The following MYO7B variants were observed in gnomAD, a reference collection of about 807,000 sequenced individuals.
MYO7B encodes unconventional myosin-VIIb.
A neutral mutation model predicts 259.7 loss-of-function variants in MYO7B; 212 were observed. The observed-to-expected ratio is 0.82, with a 90% CI of 0.73 to 0.91. The LOEUF is 0.91. Ranked by LOEUF, MYO7B falls within the 40% of genes least tolerant of loss-of-function variation. The pLI is 0.00. For synonymous variants in MYO7B, 1,197 were observed against 1,166.4 expected (o/e 1.03, Z -0.54); for missense variants, 2,732 against 2,813.5 (o/e 0.97, Z 0.66).
chr2:127,624,417 T>A, intron 30 of MYO7B, 97 bp downstream of exon 30: 30 of 1,032,688 alleles, frequency 2.9e-5, no homozygotes, highest in Non-Finnish European at 3.6e-5. Flanking sequence ...AGGTAGAAGG[T>A]GGGGGGGCAG....
chr2:127,608,081 G>A (rs557971109), intron 21 of MYO7B, among the ~76,000 whole-genome samples: 29 of 152,260 alleles, frequency 1.9e-4, no homozygotes, highest in South Asian at 1.5e-3. Flanking sequence ...TTCCTCCATC[G>A]AGTACTCGAG....
chr2:127,637,432 G>A lies in MYO7B; in HGVS notation c.*15G>A, dbSNP rs200585496. ...CCAGCACCTAGCAGCGGATGCTGGC[G>A]TGTCTGCTCAGGCGCCCTTCCCGAC... On this transcript the variant is annotated 3_prime_UTR_variant, in exon 48 of 48. Coordinates refer to ENST00000409816, the MANE Select transcript of MYO7B (RefSeq NM_001393586.1). The A allele has an allele frequency of 3.9e-5, 58 of 1,491,016 alleles. No homozygotes were observed. The highest frequency in any genetic ancestry group is 3.5e-4 in the African/African-American group (25 of 71,364). The allele number at this position is 1,491,016 out of a possible 1,614,324, so 92.4% of individuals were successfully genotyped here.
chr2:127,631,152 C>A, intron 36 of MYO7B, 54 bp from the exon 37 acceptor site: 3 of 1,514,910 alleles, frequency 2.0e-6, no homozygotes, highest in Non-Finnish European at 2.7e-6. Context: ...GACAGAGAAG[C>A]GTGGGACAGA....
At position 127,608,823 on chromosome 2, in the gene MYO7B, G is replaced by A; in HGVS notation, c.2759G>A (p.Gly920Asp). The A allele has an allele frequency of 6.2e-7, 1 of 1,613,360 alleles. No homozygotes were observed. The highest frequency in any genetic ancestry group is 8.5e-7 in the Non-Finnish European group (1 of 1,179,830). Residue 920 changes from glycine to aspartate, a missense_variant, in exon 22 of 48, where the codon GGC (glycine) becomes GAC (aspartate). Physicochemically the swap from Gly to Asp is moderately conservative, Grantham distance 94. This residue lies in a region of MYO7B where 1,906 missense variants were observed against 2,026.4 expected (regional missense o/e 0.94). Coordinates refer to ENST00000409816, the MANE Select transcript of MYO7B (RefSeq NM_001393586.1). ...ACGGAGATGGTGGAGAAGGTGTTCG[G>A]CTTCCTCCCTGCCATGATTGGGGGC... The part of the protein sequence containing the change: ...TDTEMVEKVF[G>D]FLPAMIGGQE...
rs761717492 is a variant in MYO7B, at chr2:127,627,420, C to T, written c.4460+110C>T. 40 of 1,451,182 alleles carry T rather than the reference C, an allele frequency of 2.8e-5. No individual in the cohort carries two copies. In the African/African-American group the frequency reaches 2.8e-4, roughly 10 times the overall value. The allele number at this position is 1,451,182 out of a possible 1,614,324, so 89.9% of individuals were successfully genotyped here. ...CAGTGTGCCGTCCCGGGTAACAGGCCGGGGTGGAGGGACAAGAATCTACGT... is the reference window on the plus strand; with the variant it reads ...CAGTGTGCCGTCCCGGGTAACAGGCTGGGGTGGAGGGACAAGAATCTACGT... On this transcript the variant is annotated intron_variant, in intron 33 of 47. Coordinates refer to ENST00000409816, the MANE Select transcript of MYO7B (RefSeq NM_001393586.1). The surrounding 1 kb of genome is among the most constrained non-coding windows in gnomAD (Gnocchi z 5.6).
At chr2:127,623,950 G>T (rs576536661) in intron 29 of MYO7B, 143 bp from the exon 30 acceptor site, 67 of 691,220 alleles carry the variant, frequency 9.7e-5, no homozygotes, top group Non-Finnish European at 1.5e-4. Flanking sequence ...GTGTCCACAC[G>T]GGCTCAGCAG....
At chr2:127,568,726 G>A (rs949985484) in intron 5 of MYO7B, among the ~76,000 whole-genome samples, 13 of 151,188 alleles carry the variant, frequency 8.6e-5, no homozygotes, top group African/African-American at 1.5e-4. Context: ...GTGAAACCCC[G>A]TCTCTACTAA....
chr2:127,578,193 G>T lies in MYO7B; in HGVS notation c.910G>T (p.Ala304Ser). 1 of 1,613,846 alleles carries T rather than the reference G, an allele frequency of 6.2e-7. No individual in the cohort carries two copies. Among genetic ancestry groups the T allele is most frequent in the South Asian group, 1.1e-5 (1 of 91,056 alleles). ...CAAGGACTACGCCCACATCCGCTCG[G>T]CCATGAAGATCCTCCAGTTCTCCGA... ...DAKDYAHIRS[A>S]MKILQFSDSE... is the part of the protein sequence containing the mutation. The change falls in exon 9 of 48, where the codon GCC becomes TCC. Residue 304 changes from alanine (A) to serine (S), a missense_variant. Ala to Ser is a moderately conservative substitution (Grantham distance 99). This residue lies in a region of MYO7B where 1,906 missense variants were observed against 2,026.4 expected (regional missense o/e 0.94). Transcript: ENST00000409816.
chr2:127,624,252 G>C lies in MYO7B; in HGVS notation c.3979G>C (p.Val1327Leu). 6.3e-7 allele frequency: 1 copy of C among 1,596,228 alleles called. No homozygotes were observed. The highest frequency in any genetic ancestry group is 1.1e-5 in the South Asian group (1 of 87,578). Residue 1327 changes from valine to leucine, a missense_variant, in exon 30 of 48, where the codon GTC becomes CTC. Physicochemically the swap from Val to Leu is conservative, Grantham distance 32. This residue lies in a region of MYO7B where 1,906 missense variants were observed against 2,026.4 expected (regional missense o/e 0.94). Coordinates refer to ENST00000409816, the MANE Select transcript of MYO7B (RefSeq NM_001393586.1). ...CTGGCACGACTCCCGGGAGGACCCTGTCAGCACCGAGCTTATTTACCGCCA... is the reference window on the plus strand; with the variant it reads ...CTGGCACGACTCCCGGGAGGACCCTCTCAGCACCGAGCTTATTTACCGCCA... ...TPWHDSREDP[V>L]STELIYRQVL...
Position 127,559,811 on chromosome 2 carries a change from A to G in MYO7B, c.18+71A>G, listed in dbSNP as rs1677995600. On this transcript the variant is annotated intron_variant, in intron 2 of 47. Coordinates refer to ENST00000409816, the MANE Select transcript of MYO7B (RefSeq NM_001393586.1). The surrounding 1 kb of genome is among the most constrained non-coding windows in gnomAD (Gnocchi z 4.1). ...TCAAGGCCAAGTTGAATCGCTCCCA[A>G]GGAAAGAGAGGAAAGGCAATGAGAC... 3 of 1,526,072 alleles carry G rather than the reference A, an allele frequency of 2.0e-6. No individual in the cohort carries two copies. Among genetic ancestry groups the G allele is most frequent in the Admixed American group, 3.3e-5 (2 of 59,866 alleles). 94.5% of individuals were successfully genotyped at this position (1,526,072 alleles called of 1,614,324 possible). A position where few individuals can be genotyped will look rare whatever the true frequency, so the allele number is the denominator to read the frequency against.
intron 26 of MYO7B, 184 bp from the exon 27 acceptor site, chr2:127,620,156 T>TAGGG: frequency 3.5e-6 from 2 of 575,316 alleles, no homozygotes; most frequent in Non-Finnish European, 2.9e-6. Flanking sequence ...AGGAATCGAG[T>TAGGG]AGGGATGCAG....
rs184190252 is a variant in MYO7B, at chr2:127,555,719, T to C, written c.-23-3981T>C. Among the ~76,000 whole-genome samples the C allele has an allele frequency of 5.3e-5, 8 of 152,362 alleles. No individual in the cohort carries two copies. The East Asian group carries it at 1.3e-3, about 26-fold the overall frequency. ...TTTGCATGGTTTTGGAGGTTCCTTT[T>C]GGAGCTGACTTCCAGGTTTATTCCA... is the stretch of plus-strand genomic sequence containing the variant. On this transcript the variant is annotated intron_variant, in intron 1 of 47. Coordinates refer to ENST00000409816, the MANE Select transcript of MYO7B (RefSeq NM_001393586.1).
At chr2:127,555,891 T>G (rs1399416992) in intron 1 of MYO7B, among the ~76,000 whole-genome samples, 1 of 152,224 alleles carries the variant, frequency 6.6e-6, no homozygotes, top group African/African-American at 2.4e-5. Flanking sequence ...GGTAGAATGT[T>G]CTGTAAATAT....
At chr2:127,617,704 T>A (rs1680631284) in intron 26 of MYO7B, among the ~76,000 whole-genome samples, 1 of 150,672 alleles carries the variant, frequency 6.6e-6, no homozygotes, top group Admixed American at 6.6e-5. Context: ...GGGTTTCACC[T>A]TGTTAGCCAG....
At chr2:127,553,448 T>C (rs539231404) in intron 1 of MYO7B, among the ~76,000 whole-genome samples, 7 of 152,250 alleles carry the variant, frequency 4.6e-5, no homozygotes, top group Non-Finnish European at 1.0e-4. Context: ...CAATGTTTTA[T>C]AGTTTTCCTT....
At position 127,609,999 on chromosome 2, in the gene MYO7B, C is replaced by T; in HGVS notation, c.3175C>T (p.His1059Tyr). ...GGAGCACGGTGCCCAGGTTCCACAG[C>T]ACAGTAGATCTGCACAGGCAAGTGG... ...GREHGAQVPQ[H>Y]SRSAQRSGCK... The change falls in exon 24 of 48, where the codon CAC (histidine) becomes TAC (tyrosine). Residue 1059 changes from histidine (H) to tyrosine (Y), a missense_variant. Coordinates refer to ENST00000409816, the MANE Select transcript of MYO7B (RefSeq NM_001393586.1). This position sits in a 1 kb window ranked among gnomAD's most constrained non-coding sequence, Gnocchi z 6.9. 6.2e-7 allele frequency: 1 copy of T among 1,609,402 alleles called. No homozygotes were observed. The highest frequency in any genetic ancestry group is 8.5e-7 in the Non-Finnish European group (1 of 1,178,148).
rs375929188 is a variant in MYO7B, at chr2:127,541,625, C to CT, written c.-24+5795dup. Among the ~76,000 whole-genome samples, 699 of 152,308 alleles carry CT rather than the reference C, an allele frequency of 4.6e-3. 3 individuals carry two copies. The highest frequency in any genetic ancestry group is 0.017 in the Middle Eastern group (5 of 294). ...CACGGGAGCCATATGGCACCTGAACCTAGTTGTGTGTGTCAAGTGTGTGTA... is the reference window on the plus strand; with the variant it reads ...CACGGGAGCCATATGGCACCTGAACCTTAGTTGTGTGTGTCAAGTGTGTGTA... On this transcript the variant is annotated intron_variant, in intron 1 of 47. Coordinates refer to ENST00000409816, the MANE Select transcript of MYO7B (RefSeq NM_001393586.1).
intron 27 of MYO7B, among the ~76,000 whole-genome samples, chr2:127,620,928 G>A (rs1233847895): frequency 3.3e-5 from 5 of 152,174 alleles, no homozygotes; most frequent in Non-Finnish European, 7.3e-5. Context: ...AGTAATATGT[G>A]GAAATGCAGA....
chr2:127,582,903 C>G (rs563234076), intron 12 of MYO7B, among the ~76,000 whole-genome samples: 1 of 152,352 alleles, frequency 6.6e-6, no homozygotes, highest in South Asian at 2.1e-4. Context: ...GCACCCCAGA[C>G]TAGAAGCTGG....
Sources: allele counts gnomAD v4.1 joint callset (sites outside exome capture counted in the v4.1 genomes callset), GRCh38; gene constraint gnomAD v4.1.1; regional missense constraint gnomAD v4.1.1; non-coding constraint Gnocchi (gnomAD v3.1); transcripts MANE v1.5; gene names NCBI Gene and HGNC (gene_info 2026-07-23, HGNC 2026-07-21).